The following PARN variants were observed in gnomAD, a reference collection of about 807,000 sequenced individuals.
PARN encodes the protein poly(A)-specific ribonuclease.
PARN carries 71 observed loss-of-function variants against 102.8 expected under a neutral mutation model. That is an observed-to-expected ratio of 0.69 (90% CI 0.57 to 0.84). The LOEUF (loss-of-function observed/expected upper bound fraction) is 0.84. PARN is among the 40% of genes least tolerant of loss of function. PARN has a pLI of 0.00. For missense variants in PARN, 782 were observed against 760.9 expected, an observed-to-expected ratio of 1.03 and a Z score of -0.33; for synonymous variants, 261 against 252.9, an observed-to-expected ratio of 1.03 and a Z score of -0.30.
chr16:14,557,900 A>G (rs1967797257), intron 18 of PARN, among the ~76,000 whole-genome samples: 1 of 152,218 alleles, frequency 6.6e-6, no homozygotes, highest in African/African-American at 2.4e-5. Context: ...GTTTTCTTAA[A>G]TATTATTTTC....
intron 10 of PARN, among the ~76,000 whole-genome samples, 163 bp from the exon 11 acceptor site, chr16:14,604,389 T>C (rs763701773): frequency 2.6e-5 from 4 of 151,884 alleles, no homozygotes; most frequent in African/African-American, 4.8e-5. Context: ...GCCTCCCGAG[T>C]AGCTGGGATT....
rs913658784 is a variant in PARN, at chr16:14,580,947, A to G, written c.1193-4T>C. 3.1e-6 allele frequency: 5 copies of G among 1,594,010 alleles called. No homozygotes were observed. In the African/African-American group the frequency reaches 6.7e-5, roughly 21 times the overall value. ...TTTGGAGGGCTGAGAAAAGAACCTA[A>G]TGAAGAAAAGAAGAGAGGTATTATT... On this transcript the variant is annotated splice_polypyrimidine_tract_variant and splice_region_variant and intron_variant, in intron 17 of 23. Coordinates refer to ENST00000437198, the MANE Select transcript of PARN (RefSeq NM_002582.4).
At chr16:14,518,464 A>T (rs1182808620) in intron 21 of PARN, among the ~76,000 whole-genome samples, 1 of 152,134 alleles carries the variant, frequency 6.6e-6, no homozygotes, top group Non-Finnish European at 1.5e-5. Context: ...ATTGGCTAGC[A>T]AAGCAAAATC....
intron 21 of PARN, among the ~76,000 whole-genome samples, chr16:14,489,227 G>A (rs1186831098): frequency 6.6e-6 from 1 of 152,128 alleles, no homozygotes; most frequent in African/African-American, 2.4e-5. Flanking sequence ...GCAATAGGTA[G>A]ATGTAATTTA....
chr16:14,507,597 A>AGG, intron 21 of PARN, among the ~76,000 whole-genome samples: 1 of 151,280 alleles, frequency 6.6e-6, no homozygotes, highest in South Asian at 2.1e-4. Context: ...GCTGAGGCGC[A>AGG]AGAATCACTT....
intron 21 of PARN, among the ~76,000 whole-genome samples, chr16:14,538,767 T>C (rs866328410): frequency 6.6e-6 from 1 of 152,204 alleles, no homozygotes. Context: ...CAGCAGGAGA[T>C]GAGCAGCAGG....
At chr16:14,502,875 A>G (rs1365580272) in intron 21 of PARN, among the ~76,000 whole-genome samples, 4 of 152,234 alleles carry the variant, frequency 2.6e-5, no homozygotes, top group Non-Finnish European at 5.9e-5. Flanking sequence ...AAGCCACTGA[A>G]GAACCACGGC....
chr16:14,627,081 G>C, intron 5 of PARN, 25 bp downstream of exon 5: 1 of 1,393,630 alleles, frequency 7.2e-7, no homozygotes, highest in Middle Eastern at 1.8e-4. Context: ...ATTCAGAAAA[G>C]AAAAATCTCA....
At chr16:14,502,553 G>A (rs1008237423) in intron 21 of PARN, among the ~76,000 whole-genome samples, 12 of 152,188 alleles carry the variant, frequency 7.9e-5, no homozygotes, top group Non-Finnish European at 1.3e-4. Context: ...ACTGGGATAA[G>A]GATAAATACT....
rs762377690 is a variant in PARN at position 14,554,131 on chromosome 16, C to T, written c.1339G>A (p.Val447Ile). Residue 447 changes from valine to isoleucine, a missense_variant, in exon 20 of 24, where the codon GTT becomes ATT. Transcript: ENST00000437198. ...TCTTTGGGGAATGTCACATGGAGAA[C>T]ATGATCACGTTTAGGCTGCACTACA... ...GPDLQPKRDH[V>I]LHVTFPKEWK... is the part of the protein sequence containing the mutation. 3 of 1,613,074 alleles carry T rather than the reference C, an allele frequency of 1.9e-6. No homozygotes were observed. In the South Asian group the frequency reaches 3.3e-5, roughly 18 times the overall value.
intron 5 of PARN, 150 bp from the exon 6 acceptor site, chr16:14,617,800 C>T: frequency 1.6e-6 from 1 of 625,158 alleles, no homozygotes; most frequent in South Asian, 1.9e-5. Flanking sequence ...TTCTACTCCA[C>T]AAACAATCCA....
At chr16:14,604,507 C>T (rs1338561642) in intron 10 of PARN, among the ~76,000 whole-genome samples, 2 of 152,088 alleles carry the variant, frequency 1.3e-5, no homozygotes, top group Non-Finnish European at 2.9e-5. Flanking sequence ...GTGATCCACC[C>T]GCCTCAGTCT....
chr16:14,598,416 T>C (rs1419836528), intron 12 of PARN, among the ~76,000 whole-genome samples: 1 of 152,130 alleles, frequency 6.6e-6, no homozygotes, highest in Non-Finnish European at 1.5e-5. Context: ...TTGGAAAAGC[T>C]GACTGAACTA....
At chr16:14,611,311 G>A (rs1211085898) in intron 6 of PARN, among the ~76,000 whole-genome samples, 6 of 152,236 alleles carry the variant, frequency 3.9e-5, no homozygotes, top group Non-Finnish European at 7.3e-5. Flanking sequence ...GCATCACATT[G>A]GAGAGAGTAT....
Position 14,470,999 on chromosome 16 carries a change from G to C in PARN, c.1670+11639C>G, listed in dbSNP as rs780530942. 8.3e-4 allele frequency among the ~76,000 whole-genome samples: 127 copies of C among 152,168 alleles called. No homozygotes were observed. The highest frequency in any genetic ancestry group is 1.6e-3 in the Non-Finnish European group (107 of 67,986). On this transcript the variant is annotated intron_variant, in intron 22 of 23. Coordinates refer to ENST00000437198, the MANE Select transcript of PARN (RefSeq NM_002582.4). ...GGGATCTTGCTATGTTGCCCAGGCT[G>C]GTCTTTAAGCTGTCCTTAAGCAATC...
At chr16:14,613,514 T>C (rs1172998796) in intron 6 of PARN, among the ~76,000 whole-genome samples, 1 of 152,034 alleles carries the variant, frequency 6.6e-6, no homozygotes, top group Non-Finnish European at 1.5e-5. Flanking sequence ...TCCCAGGTAC[T>C]CAGGAGGCTG....
At chr16:14,582,969 C>A (rs1377765265) in intron 16 of PARN, among the ~76,000 whole-genome samples, 1 of 152,180 alleles carries the variant, frequency 6.6e-6, no homozygotes, top group Non-Finnish European at 1.5e-5. Context: ...CTGCAATTCA[C>A]TATCAACAGC....
chr16:14,568,399 G>A (rs546344686), intron 18 of PARN, among the ~76,000 whole-genome samples: 1 of 149,360 alleles, frequency 6.7e-6, no homozygotes, highest in East Asian at 2.0e-4. Context: ...ATTTTTAGTA[G>A]AGACAGGGTT....
chr16:14,629,930 G>A (rs1258412231), intron 1 of PARN, among the ~76,000 whole-genome samples, 177 bp downstream of exon 1: 1 of 152,224 alleles, frequency 6.6e-6, no homozygotes, highest in Admixed American at 6.5e-5. Flanking sequence ...AAGGCTCCTA[G>A]GGTGCACGGT....
Sources: allele counts gnomAD v4.1 joint callset (sites outside exome capture counted in the v4.1 genomes callset), GRCh38; gene constraint gnomAD v4.1.1; transcripts MANE v1.5; gene names NCBI Gene and HGNC (gene_info 2026-07-23, HGNC 2026-07-21).